CHRNA5: variants seen among roughly 807,000 people sequenced by gnomAD.
CHRNA5 encodes cholinergic receptor nicotinic alpha 5 subunit, also known as neuronal acetylcholine receptor subunit alpha-5.
Under a neutral mutation model 41.2 loss-of-function variants are expected in CHRNA5, and 28 were observed. That is an observed-to-expected ratio of 0.68 (90% CI 0.50 to 0.93). CHRNA5 has a LOEUF of 0.93. Among genes scored for constraint, CHRNA5 ranks in the 40% least tolerant of loss-of-function variants. The pLI is 0.00. For missense variants in CHRNA5, 481 were observed against 581.9 expected, an observed-to-expected ratio of 0.83 and a Z score of 1.78; for synonymous variants, 188 against 205.8, an observed-to-expected ratio of 0.91 and a Z score of 0.74.
chr15:78,574,497 T>G (rs1035782281), intron 1 of CHRNA5, among the ~76,000 whole-genome samples: 2 of 152,060 alleles, frequency 1.3e-5, no homozygotes, highest in East Asian at 3.9e-4. Flanking sequence ...AGTAAGATAA[T>G]GTACTTTATT....
At chr15:78,583,080 CAT>C (rs2052928227) in intron 2 of CHRNA5, among the ~76,000 whole-genome samples, 1 of 151,980 alleles carries the variant, frequency 6.6e-6, no homozygotes, top group African/African-American at 2.4e-5. Context: ...CACTGGTACT[CAT>C]GTGCTCTGGC....
At chr15:78,589,966 C>CTTA in exon 5 of CHRNA5, 4 of 1,614,074 alleles carry the variant, frequency 2.5e-6, no homozygotes, top group Non-Finnish European at 3.4e-6. Context: ...GGTTCTTGGA[C>CTTA]TTATGATGGA....
chr15:78,592,987 G>A lies in CHRNA5; in HGVS notation c.1246-105G>A. 3 of 1,385,660 alleles carry A rather than the reference G, an allele frequency of 2.2e-6. No homozygotes were observed. In the South Asian group the frequency reaches 4.3e-5, roughly 20 times the overall value. 85.8% of individuals were successfully genotyped at this position (1,385,660 alleles called of 1,614,324 possible). A position where few individuals can be genotyped will look rare whatever the true frequency, so the allele number is the denominator to read the frequency against. The stretch of plus-strand genomic sequence containing the variant: ...TCACTTACCGTTTAGAGGCAGCAAT[G>A]GGAGGCAGAAATCGATTTGGCTTCT... On this transcript the variant is annotated intron_variant, in intron 5 of 5. Transcript: ENST00000299565.
chr15:78,576,592 A>T (rs1394717936), intron 1 of CHRNA5, among the ~76,000 whole-genome samples: 1 of 151,724 alleles, frequency 6.6e-6, no homozygotes, highest in African/African-American at 2.4e-5. Flanking sequence ...GACCAGCCTG[A>T]GCTACAAAAA....
At chr15:78,589,315 C>T (rs1246540365) in intron 4 of CHRNA5, 3 of 152,762 alleles carry the variant, frequency 2.0e-5, no homozygotes, top group Admixed American at 6.5e-5. Context: ...TATGAATTCA[C>T]TTGGTGGGAG....
chr15:78,589,674 C>G, intron 4 of CHRNA5, 131 bp from the exon 5 acceptor site: 3 of 703,774 alleles, frequency 4.3e-6, no homozygotes, highest in South Asian at 2.2e-5. Context: ...TATATCTTAT[C>G]TGAAGTATAG....
chr15:78,570,103 T>A (rs1030864645), intron 1 of CHRNA5, among the ~76,000 whole-genome samples: 3 of 152,148 alleles, frequency 2.0e-5, no homozygotes, highest in Non-Finnish European at 4.4e-5. Context: ...ATTACAGGCG[T>A]GAGCCACCGC....
intron 1 of CHRNA5, among the ~76,000 whole-genome samples, chr15:78,567,369 A>G (rs2052760189): frequency 6.6e-6 from 1 of 152,182 alleles, no homozygotes; most frequent in African/African-American, 2.4e-5. Flanking sequence ...CTGACACTCG[A>G]GAAAATGGTA....
At chr15:78,566,767 C>A (rs2052751459) in intron 1 of CHRNA5, among the ~76,000 whole-genome samples, 1 of 151,998 alleles carries the variant, frequency 6.6e-6, no homozygotes, top group African/African-American at 2.4e-5. Flanking sequence ...TAATTCATTG[C>A]AGGATGTATT....
At chr15:78,571,870 C>T (rs1398304919) in intron 1 of CHRNA5, among the ~76,000 whole-genome samples, 1 of 152,106 alleles carries the variant, frequency 6.6e-6, no homozygotes, top group Admixed American at 6.6e-5. Context: ...TTGTTTGTCA[C>T]ATTGAAAATG....
intron 1 of CHRNA5, among the ~76,000 whole-genome samples, chr15:78,572,307 T>C (rs1045879233): frequency 1.3e-5 from 2 of 152,164 alleles, no homozygotes; most frequent in African/African-American, 4.8e-5. Flanking sequence ...CAGCATTTTT[T>C]CCCATTGTAA....
rs747798581 is a variant in CHRNA5 at position 78,580,958 on chromosome 15, ATGTGGTAGG to A, written c.258+1_258+9del. ...GGACTTGCAATATCTCAATTGGTGG[ATGTGGTAGG>A]TGTGCATATCCTTCTATAGTCAATT... is the stretch of plus-strand genomic sequence containing the variant. On this transcript the variant is annotated splice_donor_variant and splice_donor_5th_base_variant and coding_sequence_variant and intron_variant, in exon 2 of 6. Coordinates refer to ENST00000299565, the Ensembl canonical transcript of CHRNA5. LOFTEE classifies it high-confidence loss of function. 1.2e-6 allele frequency: 2 copies of A among 1,612,708 alleles called. No individual in the cohort carries two copies. Among genetic ancestry groups the A allele is most frequent in the Admixed American group, 1.7e-5 (1 of 60,002 alleles).
intron 5 of CHRNA5, chr15:78,590,845 C>T: frequency 1.8e-6 from 1 of 545,998 alleles, no homozygotes; most frequent in Non-Finnish European, 3.2e-6. Context: ...TTACACAAAT[C>T]TCACTTCTCC....
intron 1 of CHRNA5, among the ~76,000 whole-genome samples, chr15:78,579,460 G>C (rs901618396): frequency 2.0e-5 from 3 of 152,072 alleles, no homozygotes. Context: ...CACCATGTTG[G>C]CCAGGTTCGT....
chr15:78,593,268 C>A, exon 6 of CHRNA5: 2 of 1,591,224 alleles, frequency 1.3e-6, no homozygotes, highest in Non-Finnish European at 1.7e-6. Context: ...TCCCAAGGGA[C>A]TGAAGTATAC....
intron 1 of CHRNA5, among the ~76,000 whole-genome samples, chr15:78,569,175 C>T (rs7166003): frequency 0.036 from 5,421 of 152,250 alleles, 327 homozygotes; most frequent in African/African-American, 0.12. Flanking sequence ...TCCTGATACA[C>T]TGCAGATATA....
At chr15:78,585,787 C>CTTTTTTT (rs1315604579) in intron 2 of CHRNA5, among the ~76,000 whole-genome samples, 12 of 62,538 alleles carry the variant, frequency 1.9e-4, no homozygotes, top group South Asian at 1.2e-3. Flanking sequence ...CTTTTCTTTT[C>CTTTTTTT]TTTCTTTTTT....
At chr15:78,572,404 C>T (rs1300825890) in intron 1 of CHRNA5, among the ~76,000 whole-genome samples, 2 of 152,322 alleles carry the variant, frequency 1.3e-5, no homozygotes, top group East Asian at 1.9e-4. Flanking sequence ...TCATAATGAT[C>T]ACTTTGCAGC....
At chr15:78,590,936 G>A in intron 5 of CHRNA5, 1 of 306,588 alleles carries the variant, frequency 3.3e-6, no homozygotes, top group South Asian at 4.9e-5. Flanking sequence ...ATATTTCTTG[G>A]CTCTGACCTG....
Sources: allele counts gnomAD v4.1 joint callset (sites outside exome capture counted in the v4.1 genomes callset), GRCh38; gene constraint gnomAD v4.1.1; transcripts MANE v1.5; gene names NCBI Gene and HGNC (gene_info 2026-07-23, HGNC 2026-07-21).